The following DPP6 variants were observed in gnomAD, a reference collection of about 807,000 sequenced individuals.
The protein encoded by DPP6 is dipeptidyl peptidase like 6.
Under a neutral mutation model 122.6 loss-of-function variants are expected in DPP6, and 69 were observed. The ratio of observed to expected loss-of-function variants is 0.56; its 90% confidence interval spans 0.46 to 0.69. The LOEUF (loss-of-function observed/expected upper bound fraction) is 0.69, where lower values mean the gene tolerates loss of function less well. Ranked by LOEUF, DPP6 falls within the 30% of genes least tolerant of loss-of-function variation. The probability of loss-of-function intolerance (pLI) is 0.00; values close to 1 mark genes in which losing one functional copy is unlikely to be tolerated. For synonymous variants in DPP6, 418 were observed against 433.1 expected (o/e 0.97, Z 0.43); for missense variants, 928 against 1,116.9 (o/e 0.83, Z 2.41).
chr7:153,968,001 T>G (rs1327088974), intron 1 of DPP6, among the ~76,000 whole-genome samples: 16 of 151,110 alleles, frequency 1.1e-4, no homozygotes, highest in Non-Finnish European at 4.4e-5. Flanking sequence ...TTTGCTATTG[T>G]GAGTAGTGCT....
At chr7:153,763,118 G>T in the DPP6 span, among the ~76,000 whole-genome samples, 80 of 152,188 alleles carry the variant, frequency 5.3e-4, no homozygotes, top group Admixed American at 5.2e-3. Context: ...TGAAGATCCC[G>T]CCCTCACTTT....
intron 1 of DPP6, chr7:154,059,134 G>A (rs1375105135): frequency 1.4e-5 from 2 of 147,550 alleles, no homozygotes; most frequent in Non-Finnish European, 3.0e-5. Context: ...CCACGAGGGT[G>A]GGGACTGAGA....
In DPP6 at chr7:154,892,772, A is replaced by G. The variant is rs373347553; in HGVS notation, c.*292A>G. On this transcript the variant is annotated 3_prime_UTR_variant, in exon 26 of 26. Transcript: ENST00000377770. ...GCCCCTCCCCCAAGGAACAGAGCAA[A>G]GGATGGTGGCCGCAGGCCCCACGCG... 20 of 637,016 alleles carry G rather than the reference A, an allele frequency of 3.1e-5. No homozygotes were observed. Among genetic ancestry groups the G allele is most frequent in the African/African-American group, 5.4e-5 (3 of 55,726 alleles). The allele number at this position is 637,016 out of a possible 1,614,324, so 39.5% of individuals were successfully genotyped here.
chr7:154,124,377 C>T lies in DPP6; in HGVS notation c.243+71314C>T, dbSNP rs564632913. On this transcript the variant is annotated intron_variant, in intron 1 of 25. Coordinates refer to ENST00000377770, the MANE Select transcript of DPP6 (RefSeq NM_130797.4). The stretch of plus-strand genomic sequence containing the variant: ...GGGTGAGAGCATGAGAGGGACACTG[C>T]ATCTCCAGAGGCTGGAGAGGGGCAG... 2.8e-4 allele frequency among the ~76,000 whole-genome samples: 43 copies of T among 152,178 alleles called. 1 individual carries two copies. Among genetic ancestry groups the T allele is most frequent in the South Asian group, 1.7e-3 (8 of 4,808 alleles).
At chr7:154,781,405 A>G (rs1363051142) in intron 10 of DPP6, among the ~76,000 whole-genome samples, 1 of 152,196 alleles carries the variant, frequency 6.6e-6, no homozygotes, top group Admixed American at 6.5e-5. Flanking sequence ...TCATCCTGAC[A>G]GCTGGCCCTG....
rs144127781 is a variant in DPP6 at position 154,418,305 on chromosome 7, C to T, written c.244-27909C>T. On this transcript the variant is annotated intron_variant, in intron 1 of 25. Coordinates refer to ENST00000377770, the MANE Select transcript of DPP6 (RefSeq NM_130797.4). ...ATCCTTTTGTTCTGTTAGTGTTGTT[C>T]ACTTAAGTTCTTCTTACAAGATTGT... is the stretch of plus-strand genomic sequence containing the variant. Among the ~76,000 whole-genome samples the T allele has an allele frequency of 6.0e-3, 921 of 152,318 alleles. 10 individuals are homozygous for T. Among genetic ancestry groups the T allele is most frequent in the African/African-American group, 0.02 (842 of 41,566 alleles).
chr7:154,474,714 G>A (rs1378808728), intron 2 of DPP6, among the ~76,000 whole-genome samples: 1 of 152,146 alleles, frequency 6.6e-6, no homozygotes, highest in Non-Finnish European at 1.5e-5. Flanking sequence ...GCAGGTGTGG[G>A]TGAGAAGGCG....
chr7:154,765,799 T>G (rs546579847), intron 8 of DPP6, among the ~76,000 whole-genome samples: 18 of 152,216 alleles, frequency 1.2e-4, no homozygotes, highest in Non-Finnish European at 2.5e-4. Flanking sequence ...CCCAAGTTAA[T>G]TATACTTGCT....
At chr7:153,835,793 G>T in the DPP6 span, among the ~76,000 whole-genome samples, 2 of 152,300 alleles carry the variant, frequency 1.3e-5, no homozygotes, top group Middle Eastern at 3.4e-3. Flanking sequence ...GGGAAAGGGG[G>T]TGTTACGGAG....
intron 22 of DPP6, 32 bp from the exon 23 acceptor site, chr7:154,887,644 G>A (rs752904335): frequency 1.2e-6 from 2 of 1,612,840 alleles, no homozygotes; most frequent in East Asian, 2.2e-5. Context: ...CTCGAAGCCA[G>A]AGGTAACCTC....
At chr7:153,958,256 G>A (rs926303961) in intron 1 of DPP6, among the ~76,000 whole-genome samples, 2 of 152,176 alleles carry the variant, frequency 1.3e-5, no homozygotes, top group African/African-American at 4.8e-5. Context: ...AGAGGTTAGT[G>A]AGGCAGGCGC....
At chr7:154,396,296 C>A (rs1052054327) in intron 1 of DPP6, among the ~76,000 whole-genome samples, 12 of 152,130 alleles carry the variant, frequency 7.9e-5, no homozygotes, top group African/African-American at 2.9e-4. Flanking sequence ...AGTAACATGT[C>A]CAAGCCACCA....
At chr7:154,816,324 G>A (rs2150486695) in intron 16 of DPP6, among the ~76,000 whole-genome samples, 1 of 152,256 alleles carries the variant, frequency 6.6e-6, no homozygotes, top group South Asian at 2.1e-4. Context: ...ACAGTATATT[G>A]TTATAATAGT....
chr7:153,898,753 G>A (rs1585001544), intron 1 of DPP6, among the ~76,000 whole-genome samples: 3 of 152,040 alleles, frequency 2.0e-5, no homozygotes, highest in African/African-American at 2.4e-5. Context: ...GGCAAACAGG[G>A]GCTATGAGAA....
chr7:154,425,378 T>C (rs1284227534), intron 1 of DPP6, among the ~76,000 whole-genome samples: 1 of 152,224 alleles, frequency 6.6e-6, no homozygotes, highest in Non-Finnish European at 1.5e-5. Flanking sequence ...TAGTGTCTTC[T>C]CTTTGTAGGT....
chr7:153,807,407 T>TCAAACAAA, the DPP6 span, among the ~76,000 whole-genome samples: 1 of 148,574 alleles, frequency 6.7e-6, no homozygotes, highest in African/African-American at 2.5e-5. Context: ...AGACTCCATC[T>TCAAACAAA]CAAACAAACA....
intron 1 of DPP6, among the ~76,000 whole-genome samples, chr7:154,130,302 G>A (rs924802425): frequency 6.6e-6 from 1 of 152,056 alleles, no homozygotes; most frequent in African/African-American, 2.4e-5. Context: ...AATGGGTCTC[G>A]ATGGGACTTT....
At chr7:154,318,774 T>A (rs916654670) in intron 1 of DPP6, among the ~76,000 whole-genome samples, 1 of 152,140 alleles carries the variant, frequency 6.6e-6, no homozygotes, top group African/African-American at 2.4e-5. Context: ...GCATTTGTGT[T>A]CCCACCTTCC....
At chr7:154,022,748 A>T (rs1465047417) in intron 1 of DPP6, among the ~76,000 whole-genome samples, 1 of 152,244 alleles carries the variant, frequency 6.6e-6, no homozygotes, top group Non-Finnish European at 1.5e-5. Context: ...GGACAGGCAT[A>T]GACAAAGGAA....
Sources: gnomAD v4.1 joint callset for allele counts (sites outside exome capture counted in the v4.1 genomes callset) on GRCh38, gnomAD v4.1.1 for gene constraint, MANE v1.5 for transcripts, NCBI Gene and HGNC (gene_info 2026-07-23, HGNC 2026-07-21) for gene names.